Variants in COL7A1 observed in about 807,000 individuals in gnomAD.
COL7A1 encodes the protein collagen alpha-1(VII) chain.
COL7A1 carries 296 observed loss-of-function variants against 456.2 expected under a neutral mutation model. The observed-to-expected ratio is 0.65, with a 90% CI of 0.59 to 0.71. The LOEUF is 0.71. Among genes scored for constraint, COL7A1 ranks in the 30% least tolerant of loss-of-function variants. The pLI is 0.00. For synonymous variants in COL7A1, 1,464 were observed against 1,525.9 expected (o/e 0.96, Z 0.95); for missense variants, 3,441 against 4,017.2 (o/e 0.86, Z 3.88).
chr3:48,569,464 A>C lies in COL7A1; in HGVS notation c.7615-18T>G. On this transcript the variant is annotated intron_variant, in intron 102 of 118. Transcript: ENST00000681320. This position sits in a 1 kb window ranked among gnomAD's most constrained non-coding sequence, Gnocchi z 4.9. ...CGTTCACCCTGGGTTGGTTTGGGTAAGAAGTCACGGTAAGGGGCTGAAGGT... is the reference window on the plus strand; with the variant it reads ...CGTTCACCCTGGGTTGGTTTGGGTACGAAGTCACGGTAAGGGGCTGAAGGT... 6.2e-7 allele frequency: 1 copy of C among 1,614,166 alleles called. No individual in the cohort carries two copies. The highest frequency in any genetic ancestry group is 8.5e-7 in the Non-Finnish European group (1 of 1,180,012).
Position 48,591,557 on chromosome 3 carries a change from G to A in COL7A1, c.1543C>T (p.Gln515Ter). ...ELPVSPVTDL[Q>*]ATELPGQRVR... ...CGCTGCCCGGGCAGCTCGGTGGCTT[G>A]CAGGTCTGTTACAGGGCTCACAGGC... The change falls in exon 13 of 119, where the codon CAA becomes TAA. Residue 515 changes from glutamine (Q) to a stop codon, truncating the protein, a stop_gained. Transcript: ENST00000681320. LOFTEE classifies it high-confidence loss of function. This position sits in a 1 kb window ranked among gnomAD's most constrained non-coding sequence, Gnocchi z 7.0. 6.2e-7 allele frequency: 1 copy of A among 1,613,808 alleles called. No individual in the cohort carries two copies. Among genetic ancestry groups the A allele is most frequent in the Non-Finnish European group, 8.5e-7 (1 of 1,179,996 alleles).
At position 48,575,501 on chromosome 3, in the gene COL7A1, G is replaced by T. The variant is rs367583660; in HGVS notation, c.6018C>A (p.Gly2006=). The change falls in exon 74 of 119, where the codon GGC becomes GGA. Residue 2006 remains glycine (G), a synonymous_variant. Transcript: ENST00000681320. This position sits in a 1 kb window ranked among gnomAD's most constrained non-coding sequence, Gnocchi z 6.3. The stretch of plus-strand genomic sequence containing the variant: ...CCTGAGGGCCAGGGTCTCCACGGTC[G>T]CCCTTCAGCCCGCGTTCTCCAGGAA... ...IGFPGERGLK[G]DRGDPGPQGP... 2 of 1,612,352 alleles carry T rather than the reference G, an allele frequency of 1.2e-6. No homozygotes were observed. Among genetic ancestry groups the T allele is most frequent in the Admixed American group, 3.3e-5 (2 of 59,996 alleles).
At position 48,572,247 on chromosome 3, in the gene COL7A1, G is replaced by C; in HGVS notation, c.6979-76C>G. ...GACTCCGGAGGGAGGCATGGGGCCA[G>C]AGCTTAAATATGCGGTCTACTATGA... is the stretch of plus-strand genomic sequence containing the variant. On this transcript the variant is annotated intron_variant, in intron 90 of 118. Transcript: ENST00000681320. The surrounding 1 kb of genome is among the most constrained non-coding windows in gnomAD (Gnocchi z 4.6). 1 of 1,612,006 alleles carries C rather than the reference G, an allele frequency of 6.2e-7. No homozygotes were observed. Among genetic ancestry groups the C allele is most frequent in the Non-Finnish European group, 8.5e-7 (1 of 1,178,136 alleles).
chr3:48,574,245 C>T lies in COL7A1; in HGVS notation c.6501+17G>A, dbSNP rs2107667180. ...AGGGTCCGGAGCCTGGGGCCAGGTG[C>T]TTCAGCCACCACTCACCGGCTTCCC... On this transcript the variant is annotated intron_variant, in intron 80 of 118. Transcript: ENST00000681320. This position sits in a 1 kb window ranked among gnomAD's most constrained non-coding sequence, Gnocchi z 5.0. 1 of 1,613,924 alleles carries T rather than the reference C, an allele frequency of 6.2e-7. No homozygotes were observed. The highest frequency in any genetic ancestry group is 1.6e-4 in the Middle Eastern group (1 of 6,062).
Position 48,570,784 on chromosome 3 carries a change from G to C in COL7A1, c.7273-74C>G. On this transcript the variant is annotated intron_variant, in intron 95 of 118. Transcript: ENST00000681320. The surrounding 1 kb of genome is among the most constrained non-coding windows in gnomAD (Gnocchi z 5.5). ...CCTACCCTCTGCCCCCTCAAGACTG[G>C]GAACCCCCAAGGCAGGGCCCCCTCC... 1 of 1,559,042 alleles carries C rather than the reference G, an allele frequency of 6.4e-7. No individual in the cohort carries two copies. Among genetic ancestry groups the C allele is most frequent in the Non-Finnish European group, 8.7e-7 (1 of 1,151,548 alleles).
At position 48,588,441 on chromosome 3, in the gene COL7A1, C is replaced by T. The variant is rs771509495; in HGVS notation, c.2588-37G>A. On this transcript the variant is annotated intron_variant, in intron 20 of 118. Transcript: ENST00000681320. This position sits in a 1 kb window ranked among gnomAD's most constrained non-coding sequence, Gnocchi z 4.6. ...GCTCAGGAATCAGGGAGGCTCTGCC[C>T]CCATGGCCCCTGCACCAATCCCAGG... 1 of 1,601,796 alleles carries T rather than the reference C, an allele frequency of 6.2e-7. No individual in the cohort carries two copies. Among genetic ancestry groups the T allele is most frequent in the Admixed American group, 1.7e-5 (1 of 59,636 alleles).
At chr3:48,584,434 G>A (rs368197908) in intron 36 of COL7A1, 51 bp downstream of exon 36, 110 of 1,613,110 alleles carry the variant, frequency 6.8e-5, no homozygotes, top group Non-Finnish European at 8.7e-5. Context: ...CGCCCCCCTC[G>A]TGTTGGTCCC....
chr3:48,581,098 A>G lies in COL7A1; in HGVS notation c.4935+24T>C, dbSNP rs777470232. 6.9e-5 allele frequency: 112 copies of G among 1,613,808 alleles called. No homozygotes were observed. The highest frequency in any genetic ancestry group is 9.0e-5 in the Non-Finnish European group (106 of 1,179,914). On this transcript the variant is annotated intron_variant, in intron 53 of 118. Coordinates refer to ENST00000681320, the MANE Select transcript of COL7A1 (RefSeq NM_000094.4). The surrounding 1 kb of genome is among the most constrained non-coding windows in gnomAD (Gnocchi z 5.8). Reference sequence around the variant, plus strand: ...CCTAGTTCAAGGGTAAAGGATCAGAAACCACAGTGGGAAGGAGTCTCACCG... The same window carrying G: ...CCTAGTTCAAGGGTAAAGGATCAGAGACCACAGTGGGAAGGAGTCTCACCG...
Position 48,592,065 on chromosome 3 carries a change from C to T in COL7A1, c.1240+37G>A. 3 of 1,614,170 alleles carry T rather than the reference C, an allele frequency of 1.9e-6. No homozygotes were observed. The highest frequency in any genetic ancestry group is 1.7e-6 in the Non-Finnish European group (2 of 1,180,024). On this transcript the variant is annotated intron_variant, in intron 10 of 118. Coordinates refer to ENST00000681320, the MANE Select transcript of COL7A1 (RefSeq NM_000094.4). The surrounding 1 kb of genome is among the most constrained non-coding windows in gnomAD (Gnocchi z 7.6). ...TGGCCTCCGGGCCTTGCCCTGCCTG[C>T]CCGTCCCAGCCTGAAGAAAGTGCCC... is the stretch of plus-strand genomic sequence containing the variant.
In COL7A1 at chr3:48,575,475, C is replaced by T. The variant is rs121912843; in HGVS notation, c.6044G>A (p.Gly2015Glu). The T allele has an allele frequency of 6.2e-7, 1 of 1,611,858 alleles. No homozygotes were observed. Reference sequence around the variant, plus strand: ...CTCCCCAAGGGCCAGACCAGGTGGCCCCTGAGGGCCAGGGTCTCCACGGTC... The same window carrying T: ...CTCCCCAAGGGCCAGACCAGGTGGCTCCTGAGGGCCAGGGTCTCCACGGTC... ...KGDRGDPGPQ[G>E]PPGLALGERG... Residue 2015 changes from glycine to glutamate, a missense_variant, in exon 74 of 119, where the codon GGG becomes GAG. Transcript: ENST00000681320. This position sits in a 1 kb window ranked among gnomAD's most constrained non-coding sequence, Gnocchi z 6.3.
At position 48,591,452 on chromosome 3, in the gene COL7A1, C is replaced by T. The variant is rs368664530; in HGVS notation, c.1636+12G>A. The T allele has an allele frequency of 1.5e-5, 24 of 1,612,238 alleles. No homozygotes were observed. The highest frequency in any genetic ancestry group is 1.2e-4 in the African/African-American group (9 of 74,844). ...GTGTGTGTGGTGGGGGTGCTGGCTGCGTCCACCTCACCCTGGGTGCTGCGC... is the reference window on the plus strand; with the variant it reads ...GTGTGTGTGGTGGGGGTGCTGGCTGTGTCCACCTCACCCTGGGTGCTGCGC... On this transcript the variant is annotated intron_variant, in intron 13 of 118. Transcript: ENST00000681320. This position sits in a 1 kb window ranked among gnomAD's most constrained non-coding sequence, Gnocchi z 7.0.
chr3:48,584,132 G>A (rs2045023098), intron 37 of COL7A1, 71 bp from the exon 38 acceptor site: 3 of 1,612,062 alleles, frequency 1.9e-6, no homozygotes, highest in Non-Finnish European at 2.5e-6. Flanking sequence ...AGTGATGAGG[G>A]TCATGGGGTC....
chr3:48,570,928 A>C lies in COL7A1; in HGVS notation c.7205T>G (p.Val2402Gly), dbSNP rs1371815054. Residue 2402 changes from valine (V) to glycine (G), a missense_variant, in exon 95 of 119, where the codon GTT (valine) becomes GGT (glycine). Val to Gly is a moderately radical substitution (Grantham distance 109, BLOSUM62 -3). Coordinates refer to ENST00000681320, the MANE Select transcript of COL7A1 (RefSeq NM_000094.4). The surrounding 1 kb of genome is among the most constrained non-coding windows in gnomAD (Gnocchi z 5.5). Reference sequence around the variant, plus strand: ...GCCTGTCTGACCCGGGAACCCAACAACACCAGGAGCACCGGGCAGGCCAGG... The same window carrying C: ...GCCTGTCTGACCCGGGAACCCAACACCACCAGGAGCACCGGGCAGGCCAGG... The part of the protein sequence containing the change: ...GLPGLPGAPG[V>G]VGFPGQTGPR... 8 of 1,613,622 alleles carry C rather than the reference A, an allele frequency of 5.0e-6. No homozygotes were observed. Among genetic ancestry groups the C allele is most frequent in the African/African-American group, 1.3e-5 (1 of 74,910 alleles).
Position 48,572,053 on chromosome 3 carries a change from G to A in COL7A1, c.7024-8C>T, listed in dbSNP as rs1375322103. On this transcript the variant is annotated splice_region_variant and splice_polypyrimidine_tract_variant and intron_variant, in intron 91 of 118. Coordinates refer to ENST00000681320, the MANE Select transcript of COL7A1 (RefSeq NM_000094.4). The surrounding 1 kb of genome is among the most constrained non-coding windows in gnomAD (Gnocchi z 4.6). ...TGCACGGCCAGCTTCACCCTGCACA[G>A]AATGGCAGGTGAGGGGTGTCTGGAC... The A allele has an allele frequency of 3.1e-6, 5 of 1,613,000 alleles. No individual in the cohort carries two copies. The highest frequency in any genetic ancestry group is 3.4e-6 in the Non-Finnish European group (4 of 1,179,570).
chr3:48,588,713 C>G lies in COL7A1; in HGVS notation c.2516G>C (p.Ser839Thr). ...AEIRGLEGGV[S>T]YSVRVTALVG... ...AAGTGCAGTCACTCGCACTGAGTAG[C>G]TGACTCCACCTTCGAGACCCCGGAT... Residue 839 changes from serine to threonine, a missense_variant, in exon 20 of 119, where the codon AGC becomes ACC. Coordinates refer to ENST00000681320, the MANE Select transcript of COL7A1 (RefSeq NM_000094.4). The surrounding 1 kb of genome is among the most constrained non-coding windows in gnomAD (Gnocchi z 4.6). 2.5e-6 allele frequency: 4 copies of G among 1,613,924 alleles called. No individual in the cohort carries two copies. Among genetic ancestry groups the G allele is most frequent in the Non-Finnish European group, 3.4e-6 (4 of 1,180,046 alleles).
Position 48,593,551 on chromosome 3 carries a change from G to C in COL7A1, c.412C>G (p.Pro138Ala), listed in dbSNP as rs758768519. ...DHVFLPQLARPGVPKVCILIT... is the reference protein window; with the variant it reads ...DHVFLPQLARAGVPKVCILIT... ...GTAGGGATCACCTTGGGGACACCAGGTCGGGCCAGCTGGGGCAGGAAGACA... is the reference window on the plus strand; with the variant it reads ...GTAGGGATCACCTTGGGGACACCAGCTCGGGCCAGCTGGGGCAGGAAGACA... Residue 138 changes from proline to alanine, a missense_variant, in exon 4 of 119, where the codon CCT becomes GCT. Pro to Ala is a conservative substitution (Grantham distance 27). This residue lies in a region of COL7A1 where 913 missense variants were observed against 1,088.2 expected (regional missense o/e 0.84). Transcript: ENST00000681320. The surrounding 1 kb of genome is among the most constrained non-coding windows in gnomAD (Gnocchi z 4.4). 1 of 1,614,194 alleles carries C rather than the reference G, an allele frequency of 6.2e-7. No homozygotes were observed. Among genetic ancestry groups the C allele is most frequent in the Non-Finnish European group, 8.5e-7 (1 of 1,180,034 alleles).
Position 48,579,525 on chromosome 3 carries a change from G to C in COL7A1, c.5236-10C>G. 2 of 1,613,962 alleles carry C rather than the reference G, an allele frequency of 1.2e-6. No individual in the cohort carries two copies. The highest frequency in any genetic ancestry group is 2.2e-5 in the South Asian group (2 of 91,082). On this transcript the variant is annotated splice_polypyrimidine_tract_variant and intron_variant, in intron 59 of 118. Coordinates refer to ENST00000681320, the MANE Select transcript of COL7A1 (RefSeq NM_000094.4). This position sits in a 1 kb window ranked among gnomAD's most constrained non-coding sequence, Gnocchi z 4.4. ...GAAACCCTTCAATGCCCTGAGGATA[G>C]GGGAGGAAGAAATCAGAGCAGGCCC...
rs147112274 is a variant in COL7A1, at chr3:48,583,045, C to A, written c.4486G>T (p.Glu1496Ter). ...GPLGEAGEKG[E>*]RGPPGPAGSR... is the part of the protein sequence containing the mutation. ...CCCGCTGGGCCTGGGGGTCCACGTT[C>A]GCCCTGATGGAAAAGAAGAGGTCAG... The change falls in exon 44 of 119, where the codon GAA (glutamate) becomes TAA (stop). Residue 1496 changes from glutamate to a stop codon, truncating the protein, a stop_gained. Transcript: ENST00000681320. LOFTEE classifies it high-confidence loss of function. The surrounding 1 kb of genome is among the most constrained non-coding windows in gnomAD (Gnocchi z 5.1). The A allele has an allele frequency of 6.2e-7, 1 of 1,613,972 alleles. No homozygotes were observed. The highest frequency in any genetic ancestry group is 8.5e-7 in the Non-Finnish European group (1 of 1,179,968).
intron 18 of COL7A1, 75 bp from the exon 19 acceptor site, chr3:48,589,070 A>G (rs570959767): frequency 6.2e-7 from 1 of 1,606,472 alleles, no homozygotes; most frequent in East Asian, 2.2e-5. Context: ...CGCAGGGGTG[A>G]TCTGAAAGTC....
Sources: allele counts gnomAD v4.1 joint callset, GRCh38; gene constraint gnomAD v4.1.1; regional missense constraint gnomAD v4.1.1; non-coding constraint Gnocchi (gnomAD v3.1); transcripts MANE v1.5; gene names NCBI Gene and HGNC (gene_info 2026-07-23, HGNC 2026-07-21).